The following MAST4 variants were observed in gnomAD, a reference collection of about 807,000 sequenced individuals.
The protein encoded by MAST4 is microtubule-associated serine/threonine-protein kinase 4.
In MAST4, 89 loss-of-function variants were observed where a neutral mutation model predicts 162.7. The ratio of observed to expected loss-of-function variants is 0.55; its 90% CI spans 0.46 to 0.65. MAST4 has a LOEUF of 0.65. MAST4 is among the 30% of genes least tolerant of loss of function. The probability of loss-of-function intolerance (pLI) is 0.00; values close to 1 mark genes in which losing one functional copy is unlikely to be tolerated. For missense variants in MAST4, 3,153 were observed against 3,374.0 expected (o/e 0.93, Z 1.62); for synonymous variants, 1,479 against 1,361.1 (o/e 1.09, Z -1.91).
chr5:66,977,154 G>A (rs1482779387), intron 4 of MAST4, among the ~76,000 whole-genome samples: 1 of 152,290 alleles, frequency 6.6e-6, no homozygotes, highest in South Asian at 2.1e-4. Flanking sequence ...AGACTGGAGT[G>A]CAATGGTGCG....
At chr5:66,733,621 A>T (rs976333956) in intron 1 of MAST4, among the ~76,000 whole-genome samples, 2 of 151,880 alleles carry the variant, frequency 1.3e-5, no homozygotes, top group Non-Finnish European at 2.9e-5. Context: ...CCACGCCCAG[A>T]TAAGTTTTTG....
rs1352014718 is a variant in MAST4 at position 67,078,939 on chromosome 5, TA to T, written c.764-11222del. ...ATATATATATATATATATATATATATATATATATATATGGCAATCTGATGTT... is the reference window on the plus strand; with the variant it reads ...ATATATATATATATATATATATATATTATATATATATGGCAATCTGATGTT... On this transcript the variant is annotated intron_variant, in intron 5 of 28. Transcript: ENST00000403625. Among the ~76,000 whole-genome samples the T allele has an allele frequency of 4.1e-5, 4 of 97,188 alleles. 1 individual carries two copies. The highest frequency in any genetic ancestry group is 1.9e-4 in the African/African-American group (4 of 20,656). 63.8% of individuals were successfully genotyped at this position (97,188 alleles called of 152,430 possible).
intron 5 of MAST4, among the ~76,000 whole-genome samples, chr5:67,074,588 GTA>G (rs1761376433): frequency 6.6e-6 from 1 of 151,678 alleles, no homozygotes; most frequent in South Asian, 2.1e-4. Context: ...TAGTCCATCT[GTA>G]TAATGGAATA....
intron 1 of MAST4, among the ~76,000 whole-genome samples, chr5:66,669,581 G>GT (rs1277666412): frequency 1.3e-5 from 2 of 152,188 alleles, no homozygotes; most frequent in African/African-American, 4.8e-5. Flanking sequence ...GGAAAGCAGG[G>GT]TAGAACTAAG....
At chr5:66,675,710 G>A (rs1747902038) in intron 1 of MAST4, among the ~76,000 whole-genome samples, 1 of 152,094 alleles carries the variant, frequency 6.6e-6, no homozygotes, top group Non-Finnish European at 1.5e-5. Context: ...CATTGACGAA[G>A]AGAATTAGGA....
chr5:66,651,003 G>A (rs892457824), intron 1 of MAST4, among the ~76,000 whole-genome samples: 1 of 152,168 alleles, frequency 6.6e-6, no homozygotes, highest in Non-Finnish European at 1.5e-5. Flanking sequence ...CATGGAGGGT[G>A]AAGAATTGGG....
intron 1 of MAST4, among the ~76,000 whole-genome samples, chr5:66,735,125 T>A (rs1296783992): frequency 6.6e-6 from 1 of 152,234 alleles, no homozygotes; most frequent in Non-Finnish European, 1.5e-5. Context: ...TGAGCTTTTT[T>A]AAAAAGGGAA....
At chr5:66,792,863 G>A (rs1490413773) in intron 3 of MAST4, among the ~76,000 whole-genome samples, 2 of 152,206 alleles carry the variant, frequency 1.3e-5, no homozygotes, top group African/African-American at 4.8e-5. Context: ...GAAGTGATGT[G>A]TGTGTTCAAG....
At chr5:67,037,404 G>C (rs1328089732) in intron 4 of MAST4, among the ~76,000 whole-genome samples, 1 of 152,084 alleles carries the variant, frequency 6.6e-6, no homozygotes. Context: ...TTTTAGGCTG[G>C]TGTGACTCAG....
At chr5:66,957,614 TGAGA>T (rs34135953) in intron 4 of MAST4, among the ~76,000 whole-genome samples, 7,678 of 152,216 alleles carry the variant, frequency 0.05, 595 homozygotes, top group African/African-American at 0.17. Context: ...GAGCTCACAC[TGAGA>T]GATAAGCTGG....
intron 4 of MAST4, among the ~76,000 whole-genome samples, chr5:66,940,068 T>C (rs934274458): frequency 6.6e-6 from 1 of 152,120 alleles, no homozygotes; most frequent in Admixed American, 6.6e-5. Flanking sequence ...CCCTGTCTCA[T>C]AAATATATAT....
intron 4 of MAST4, chr5:66,930,695 GAAAGT>G (rs1742097068): frequency 2.1e-6 from 1 of 470,610 alleles, no homozygotes; most frequent in South Asian, 1.6e-5. Context: ...TGTGAAGCAG[GAAAGT>G]AAAGAGCTGC....
chr5:66,842,924 A>G (rs968589480), intron 3 of MAST4, among the ~76,000 whole-genome samples: 2 of 152,184 alleles, frequency 1.3e-5, no homozygotes, highest in Admixed American at 1.3e-4. Flanking sequence ...TCTTATCACC[A>G]TTATTTAAAA....
At chr5:66,888,529 C>T (rs1019189825) in intron 3 of MAST4, among the ~76,000 whole-genome samples, 1 of 152,192 alleles carries the variant, frequency 6.6e-6, no homozygotes, top group Non-Finnish European at 1.5e-5. Flanking sequence ...CCAATTCTGT[C>T]TCCTGGTTCT....
At chr5:67,007,330 G>A (rs114480056) in intron 4 of MAST4, among the ~76,000 whole-genome samples, 9 of 152,052 alleles carry the variant, frequency 5.9e-5, no homozygotes, top group African/African-American at 1.7e-4. Flanking sequence ...CTTTCTGTTC[G>A]CAAGTTGTTC....
chr5:67,112,418 CCA>C (rs1766354219), intron 11 of MAST4, among the ~76,000 whole-genome samples: 1 of 152,248 alleles, frequency 6.6e-6, no homozygotes, highest in East Asian at 1.9e-4. Flanking sequence ...GCATTAGATT[CCA>C]CAGGTTGAGG....
intron 4 of MAST4, chr5:66,930,699 G>A (rs1274420687): frequency 1.3e-5 from 6 of 470,620 alleles, no homozygotes; most frequent in Admixed American, 7.1e-5. Context: ...AAGCAGGAAA[G>A]TAAAGAGCTG....
intron 3 of MAST4, among the ~76,000 whole-genome samples, chr5:66,822,074 A>G (rs1757021353): frequency 6.6e-6 from 1 of 152,132 alleles, no homozygotes; most frequent in Non-Finnish European, 1.5e-5. Flanking sequence ...TCATTTTACA[A>G]ATGAGAAACC....
intron 3 of MAST4, among the ~76,000 whole-genome samples, chr5:66,832,662 T>A (rs1256081148): frequency 6.6e-6 from 1 of 152,174 alleles, no homozygotes; most frequent in Non-Finnish European, 1.5e-5. Context: ...AACCTTAATA[T>A]AATTATGGGT....
Sources: allele counts gnomAD v4.1 joint callset (sites outside exome capture counted in the v4.1 genomes callset), GRCh38; gene constraint gnomAD v4.1.1; transcripts MANE v1.5; gene names NCBI Gene and HGNC (gene_info 2026-07-23, HGNC 2026-07-21).